Variants in ERC1 observed in about 807,000 individuals in gnomAD.
ERC1 encodes the protein RAB6 interacting protein 2.
In ERC1, 56 loss-of-function variants were observed where a neutral mutation model predicts 132.0. The ratio of observed to expected loss-of-function variants is 0.42; its 90% CI spans 0.34 to 0.53. The LOEUF (loss-of-function observed/expected upper bound fraction) is 0.53, where lower values mean the gene tolerates loss of function less well. ERC1 is among the 20% of genes least tolerant of loss of function. The probability of loss-of-function intolerance (pLI) is 0.03; values close to 1 mark genes in which losing one functional copy is unlikely to be tolerated. For missense variants in ERC1, 1,202 were observed against 1,349.9 expected (o/e 0.89, Z 1.72); for synonymous variants, 478 against 476.1 (o/e 1.00, Z -0.05).
chr12:1,371,662 TGGG>T (rs1232643247), intron 15 of ERC1, among the ~76,000 whole-genome samples, 168 bp from the exon 16 acceptor site: 44 of 147,046 alleles, frequency 3.0e-4, no homozygotes, highest in South Asian at 1.8e-3. Flanking sequence ...ACCCTCAAAA[TGGG>T]GGTACTGATA....
intron 9 of ERC1, among the ~76,000 whole-genome samples, chr12:1,181,649 T>C (rs1367295848): frequency 6.6e-6 from 1 of 151,726 alleles, no homozygotes; most frequent in African/African-American, 2.4e-5. Context: ...AAATACAAAA[T>C]TAGCCAGGCG....
chr12:1,443,288 T>C (rs1463173529), intron 17 of ERC1: 3 of 152,202 alleles, frequency 2.0e-5, no homozygotes, highest in African/African-American at 7.2e-5. Flanking sequence ...GTAAAATATA[T>C]ATTGTTTTCA....
At chr12:1,480,782 A>C in intron 18 of ERC1, 1 of 701,948 alleles carries the variant, frequency 1.4e-6, no homozygotes. Context: ...GAATATCTCG[A>C]GTAATACCTT....
intron 17 of ERC1, among the ~76,000 whole-genome samples, chr12:1,441,714 A>G (rs998751763): frequency 1.3e-5 from 2 of 152,188 alleles, no homozygotes; most frequent in Non-Finnish European, 2.9e-5. Flanking sequence ...TTTTAAATCA[A>G]TGTATTCATG....
At chr12:1,402,225 C>T (rs1778019753) in intron 16 of ERC1, among the ~76,000 whole-genome samples, 1 of 152,066 alleles carries the variant, frequency 6.6e-6, no homozygotes, top group African/African-American at 2.4e-5. Flanking sequence ...ACTCTTAACA[C>T]ATATATAAAA....
chr12:1,234,770 A>G (rs150862528), intron 12 of ERC1, among the ~76,000 whole-genome samples: 1 of 152,224 alleles, frequency 6.6e-6, no homozygotes, highest in Non-Finnish European at 1.5e-5. Flanking sequence ...ACAGGTACAC[A>G]TGCATATAGA....
At chr12:1,080,977 C>A (rs1295427206) in intron 2 of ERC1, among the ~76,000 whole-genome samples, 1 of 151,704 alleles carries the variant, frequency 6.6e-6, no homozygotes, top group Non-Finnish European at 1.5e-5. Context: ...GGTATTTATA[C>A]CCTTATTTAA....
At chr12:1,431,135 AG>A (rs746335140) in intron 17 of ERC1, among the ~76,000 whole-genome samples, 1 of 152,190 alleles carries the variant, frequency 6.6e-6, no homozygotes, top group Non-Finnish European at 1.5e-5. Context: ...GAGAACCACG[AG>A]CTGTGATGCG....
At chr12:1,473,263 G>A (rs1486492971) in intron 18 of ERC1, among the ~76,000 whole-genome samples, 2 of 152,020 alleles carry the variant, frequency 1.3e-5, no homozygotes, top group East Asian at 1.9e-4. Flanking sequence ...TCCTGACCTC[G>A]TGATCCACCC....
intron 10 of ERC1, among the ~76,000 whole-genome samples, chr12:1,182,947 A>G (rs575489445): frequency 2.6e-5 from 4 of 152,306 alleles, no homozygotes; most frequent in African/African-American, 7.2e-5. Flanking sequence ...GTTTACAGGT[A>G]TCTGGCCGAA....
At chr12:1,285,869 C>T (rs1454605708) in intron 14 of ERC1, among the ~76,000 whole-genome samples, 1 of 152,172 alleles carries the variant, frequency 6.6e-6, no homozygotes, top group Admixed American at 6.5e-5. Context: ...CTGTCTCAAT[C>T]CTGAACATGT....
intron 14 of ERC1, among the ~76,000 whole-genome samples, chr12:1,288,591 G>A (rs547151868): frequency 1.6e-4 from 25 of 152,324 alleles, no homozygotes; most frequent in African/African-American, 4.8e-4. Context: ...GTTTAGGTAG[G>A]AAGCACTAAT....
intron 15 of ERC1, among the ~76,000 whole-genome samples, chr12:1,367,712 G>A (rs946971863): frequency 2.0e-5 from 3 of 152,116 alleles, no homozygotes; most frequent in Non-Finnish European, 2.9e-5. Context: ...ATTTCCTGAA[G>A]CACAAATGCC....
chr12:1,147,525 T>C (rs1171511121), intron 8 of ERC1, among the ~76,000 whole-genome samples: 1 of 152,242 alleles, frequency 6.6e-6, no homozygotes, highest in Non-Finnish European at 1.5e-5. Flanking sequence ...ATACATTTAC[T>C]TCTTATTAGG....
chr12:1,232,687 T>G (rs1398371713), intron 12 of ERC1, among the ~76,000 whole-genome samples: 1 of 152,138 alleles, frequency 6.6e-6, no homozygotes, highest in African/African-American at 2.4e-5. Context: ...ACTGTTTGTT[T>G]TGTTCATGTA....
At chr12:1,487,776 G>A (rs914335823) in intron 18 of ERC1, among the ~76,000 whole-genome samples, 4 of 40,458 alleles carry the variant, frequency 9.9e-5, no homozygotes, top group Middle Eastern at 0.059. Context: ...AGGGAGGGAG[G>A]GAGGAAGGAA....
chr12:1,281,404 C>G (rs754379784), intron 14 of ERC1, among the ~76,000 whole-genome samples: 1 of 152,134 alleles, frequency 6.6e-6, no homozygotes, highest in Non-Finnish European at 1.5e-5. Context: ...GTCATTCCAC[C>G]TCTATTCATA....
chr12:1,362,448 GTCTCTCTCTC>G (rs750785449), intron 15 of ERC1, among the ~76,000 whole-genome samples: 2 of 144,804 alleles, frequency 1.4e-5, no homozygotes, highest in African/African-American at 2.7e-5. Context: ...CTCTCTCTCT[GTCTCTCTCTC>G]TCTCTCTCTC....
Position 1,460,958 on chromosome 12 carries a change from C to CTTTTTTTTT in ERC1, c.3213+16223_3213+16231dup, listed in dbSNP as rs35505633. On this transcript the variant is annotated intron_variant, in intron 18 of 18. Transcript: ENST00000360905. Reference sequence around the variant, plus strand: ...GACTTGCCTAAACGATGAGGAGGCCCTTTTTTTTTTTTTTTTTTTTTTTCA... The same window carrying CTTTTTTTTT: ...GACTTGCCTAAACGATGAGGAGGCCCTTTTTTTTTTTTTTTTTTTTTTTTTTTTTTTTCA... 6.2e-3 allele frequency among the ~76,000 whole-genome samples: 404 copies of CTTTTTTTTT among 64,922 alleles called. 5 individuals are homozygous for CTTTTTTTTT. Among genetic ancestry groups the CTTTTTTTTT allele is most frequent in the Non-Finnish European group, 7.0e-3 (268 of 38,206 alleles). The allele number at this position is 64,922 out of a possible 152,430, so 42.6% of individuals were successfully genotyped here. A position where few individuals can be genotyped will look rare whatever the true frequency, so the allele number is the denominator to read the frequency against.
Sources: gnomAD v4.1 joint callset for allele counts (sites outside exome capture counted in the v4.1 genomes callset) on GRCh38, gnomAD v4.1.1 for gene constraint, MANE v1.5 for transcripts, NCBI Gene and HGNC (gene_info 2026-07-23, HGNC 2026-07-21) for gene names.